Variants in FAR2 observed in about 807,000 individuals in gnomAD.
FAR2 encodes the protein epididymis secretory protein Li 81.
A neutral mutation model predicts 56.0 loss-of-function variants in FAR2; 19 were observed. The ratio of observed to expected loss-of-function variants is 0.34; its 90% CI spans 0.24 to 0.50. The LOEUF (loss-of-function observed/expected upper bound fraction) is 0.50. FAR2 is among the 20% of genes least tolerant of loss of function. The probability of loss-of-function intolerance (pLI) is 0.98; values close to 1 mark genes in which losing one functional copy is unlikely to be tolerated. For missense variants in FAR2, 508 were observed against 642.2 expected, an observed-to-expected ratio of 0.79 and a Z score of 2.26; for synonymous variants, 219 against 218.8, an observed-to-expected ratio of 1.00 and a Z score of -0.01.
chr12:29,286,636 G>A (rs1004693129), intron 2 of FAR2, among the ~76,000 whole-genome samples: 2 of 152,138 alleles, frequency 1.3e-5, no homozygotes, highest in African/African-American at 4.8e-5. Flanking sequence ...TCTTTGGTGT[G>A]GGGAAAAGAA....
chr12:29,192,241 CAAATT>C (rs1255852663), intron 1 of FAR2, among the ~76,000 whole-genome samples: 2 of 152,160 alleles, frequency 1.3e-5, no homozygotes, highest in African/African-American at 4.8e-5. Flanking sequence ...TGCATTTCCA[CAAATT>C]AAATAAATTA....
At chr12:29,241,399 CTTT>C (rs1399549596) in intron 1 of FAR2, among the ~76,000 whole-genome samples, 2 of 151,758 alleles carry the variant, frequency 1.3e-5, no homozygotes, top group Non-Finnish European at 2.9e-5. Flanking sequence ...GATTGATCTT[CTTT>C]ATTTATTTAG....
chr12:29,231,947 G>A (rs990643681), intron 1 of FAR2, among the ~76,000 whole-genome samples: 2 of 152,184 alleles, frequency 1.3e-5, no homozygotes, highest in African/African-American at 2.4e-5. Context: ...TGCACATCCC[G>A]AAACTTTTGC....
intron 1 of FAR2, chr12:29,157,109 TATATA>T (rs1565676093): frequency 3.1e-5 from 2 of 64,102 alleles, no homozygotes; most frequent in African/African-American, 1.3e-4. Flanking sequence ...GAACATTTTA[TATATA>T]TATATATATA....
intron 1 of FAR2, among the ~76,000 whole-genome samples, chr12:29,229,646 C>T (rs978573245): frequency 2.0e-5 from 3 of 152,134 alleles, no homozygotes; most frequent in Non-Finnish European, 4.4e-5. Flanking sequence ...TCAGAGGAAA[C>T]CATGATGAGC....
chr12:29,232,026 C>G (rs369488476), intron 1 of FAR2, among the ~76,000 whole-genome samples: 12 of 152,124 alleles, frequency 7.9e-5, no homozygotes, highest in African/African-American at 2.9e-4. Context: ...TGAAAAAGAA[C>G]ATATCTCAAA....
chr12:29,317,416 G>A (rs559105029), intron 9 of FAR2, among the ~76,000 whole-genome samples: 1 of 152,134 alleles, frequency 6.6e-6, no homozygotes, highest in South Asian at 2.1e-4. Context: ...TTACATATAT[G>A]CAAATATTCC....
In FAR2 at chr12:29,321,356, T is replaced by C. The variant is rs544642595; in HGVS notation, c.1128-439T>C. Reference sequence around the variant, plus strand: ...GCCTGGGCAACATGGCAAAACCCTATCTACAAAATATACAAAAAATTAGCT... The same window carrying C: ...GCCTGGGCAACATGGCAAAACCCTACCTACAAAATATACAAAAAATTAGCT... On this transcript the variant is annotated intron_variant, in intron 9 of 11. Coordinates refer to ENST00000536681, the MANE Select transcript of FAR2 (RefSeq NM_001271783.2). Among the ~76,000 whole-genome samples, 175 of 152,172 alleles carry C rather than the reference T, an allele frequency of 1.2e-3. 3 individuals carry two copies. The South Asian group carries it at 0.036, about 31-fold the overall frequency.
intron 1 of FAR2, among the ~76,000 whole-genome samples, chr12:29,152,518 C>A (rs1173270833): frequency 6.6e-6 from 1 of 152,172 alleles, no homozygotes; most frequent in Non-Finnish European, 1.5e-5. Flanking sequence ...CTCAGAACCA[C>A]TGAGGAATAA....
chr12:29,286,501 C>G (rs908065080), intron 2 of FAR2, among the ~76,000 whole-genome samples: 2 of 152,260 alleles, frequency 1.3e-5, no homozygotes, highest in Middle Eastern at 3.4e-3. Flanking sequence ...ATGGATAATG[C>G]AGAGATGCCA....
intron 2 of FAR2, among the ~76,000 whole-genome samples, chr12:29,290,147 A>T (rs1948942513): frequency 6.6e-6 from 1 of 152,180 alleles, no homozygotes. Flanking sequence ...CTCAAAAAAC[A>T]ATAGAAATAC....
intron 4 of FAR2, among the ~76,000 whole-genome samples, chr12:29,298,814 G>A (rs1565512000): frequency 6.6e-6 from 1 of 152,146 alleles, no homozygotes; most frequent in African/African-American, 2.4e-5. Flanking sequence ...GACCCCTTTT[G>A]ATTCCAGATT....
chr12:29,293,464 C>A lies in FAR2; in HGVS notation c.354C>A (p.Asp118Glu). Residue 118 changes from aspartate (D) to glutamate (E), a missense_variant, in exon 3 of 12, where the codon GAC (aspartate) becomes GAA (glutamate). Asp to Glu is a conservative substitution (Grantham distance 45, BLOSUM62 2). Transcript: ENST00000536681. ...ACTGTGCAGCCACTGTACGCTTTGA[C>A]GACACTCTCAGGTACATTCCCATTT... Reference protein sequence around the residue: ...IFHCAATVRFDDTLRHAVQLN... With the variant: ...IFHCAATVRFEDTLRHAVQLN... 6.4e-7 allele frequency: 1 copy of A among 1,570,926 alleles called. No homozygotes were observed. The highest frequency in any genetic ancestry group is 8.6e-7 in the Non-Finnish European group (1 of 1,158,816).
At chr12:29,237,171 G>C (rs1023265182) in intron 1 of FAR2, among the ~76,000 whole-genome samples, 1 of 152,132 alleles carries the variant, frequency 6.6e-6, no homozygotes, top group African/African-American at 2.4e-5. Flanking sequence ...AAAGTGATTG[G>C]AATACTGCCC....
chr12:29,154,404 TTTTG>T (rs1435361743), intron 1 of FAR2, among the ~76,000 whole-genome samples: 1 of 149,052 alleles, frequency 6.7e-6, no homozygotes, highest in Non-Finnish European at 1.5e-5. Context: ...CCAGTTGTGG[TTTTG>T]TTTTTGTTTT....
At chr12:29,211,674 T>G (rs1947551103) in intron 1 of FAR2, among the ~76,000 whole-genome samples, 1 of 151,996 alleles carries the variant, frequency 6.6e-6, no homozygotes, top group Non-Finnish European at 1.5e-5. Flanking sequence ...ACTTCATAGC[T>G]GTAGAAAAAT....
intron 10 of FAR2, among the ~76,000 whole-genome samples, chr12:29,325,081 A>G (rs12810719): frequency 0.26 from 39,170 of 151,814 alleles, 5,167 homozygotes; most frequent in Middle Eastern, 0.4. Context: ...GAAAACAAAA[A>G]AAGGCAGGGG....
intron 1 of FAR2, among the ~76,000 whole-genome samples, chr12:29,186,435 C>T (rs561583358): frequency 6.6e-6 from 1 of 152,140 alleles, no homozygotes; most frequent in Admixed American, 6.5e-5. Flanking sequence ...TACAGAAAGC[C>T]AAATCCATGT....
chr12:29,160,018 T>C (rs1949767739), intron 1 of FAR2, among the ~76,000 whole-genome samples: 2 of 152,216 alleles, frequency 1.3e-5, no homozygotes, highest in South Asian at 4.1e-4. Context: ...GCCCTATAAG[T>C]CCTTACTTAT....
Sources: gnomAD v4.1 joint callset for allele counts (sites outside exome capture counted in the v4.1 genomes callset) on GRCh38, gnomAD v4.1.1 for gene constraint, MANE v1.5 for transcripts, NCBI Gene and HGNC (gene_info 2026-07-23, HGNC 2026-07-21) for gene names.